PGBD2: variants seen among roughly 807,000 people sequenced by gnomAD.
PGBD2 encodes piggyBac transposable element-derived protein 2.
A neutral mutation model predicts 8.1 loss-of-function variants in PGBD2; 6 were observed. The observed-to-expected ratio is 0.74, with a 90% confidence interval of 0.40 to 1.46. PGBD2 has a LOEUF of 1.46. PGBD2 is among the 40% of genes most tolerant of loss of function. The probability of loss-of-function intolerance (pLI) is 0.02; values close to 1 mark genes in which losing one functional copy is unlikely to be tolerated. For synonymous variants in PGBD2, 318 were observed against 272.2 expected (o/e 1.17, Z -1.66); for missense variants, 802 against 739.0 (o/e 1.09, Z -0.99).
chr1:248,911,612 C>T lies in PGBD2; in HGVS notation c.-47-2204C>T, dbSNP rs1295820180. 2.7e-4 allele frequency among the ~76,000 whole-genome samples: 40 copies of T among 146,118 alleles called. 1 individual carries two copies. The highest frequency in any genetic ancestry group is 4.7e-4 in the Non-Finnish European group (32 of 67,866). On this transcript the variant is annotated intron_variant, in intron 1 of 2. Transcript: ENST00000329291. ...CAAAGCCGCCATTGTCATCCTGGCC[C>T]GTTCTCAATGAGCTGTTGGGCACAC...
the PGBD2 span, among the ~76,000 whole-genome samples, chr1:248,926,761 T>G: frequency 6.6e-6 from 1 of 150,918 alleles, no homozygotes; most frequent in Non-Finnish European, 1.5e-5. Context: ...TACTGAACAC[T>G]GAAATGAACC....
At chr1:248,873,843 C>G in the PGBD2 span, among the ~76,000 whole-genome samples, 10 of 152,346 alleles carry the variant, frequency 6.6e-5, no homozygotes, top group African/African-American at 2.2e-4. Context: ...GAGAAGCGCT[C>G]TGCTTCCGAG....
At chr1:248,873,044 C>T in the PGBD2 span, among the ~76,000 whole-genome samples, 1 of 152,234 alleles carries the variant, frequency 6.6e-6, no homozygotes, top group Non-Finnish European at 1.5e-5. Context: ...ATCTCCTTCA[C>T]TAGCAAATCA....
Position 248,918,430 on chromosome 1 carries a change from C to T in PGBD2, c.*67C>T. The T allele has an allele frequency of 1.4e-6, 2 of 1,455,778 alleles. No individual in the cohort carries two copies. Among genetic ancestry groups the T allele is most frequent in the Non-Finnish European group, 1.8e-6 (2 of 1,086,386 alleles). The allele number at this position is 1,455,778 out of a possible 1,614,324, so 90.2% of individuals were successfully genotyped here. A position where few individuals can be genotyped will look rare whatever the true frequency, so the allele number is the denominator to read the frequency against. On this transcript the variant is annotated 3_prime_UTR_variant, in exon 3 of 3. Coordinates refer to ENST00000329291, the MANE Select transcript of PGBD2 (RefSeq NM_170725.3). ...CAGTTAAATACAGATGGCAGTTGAGCACTTCTGTTTTGTGTTGGAAAAAAG... is the reference window on the plus strand; with the variant it reads ...CAGTTAAATACAGATGGCAGTTGAGTACTTCTGTTTTGTGTTGGAAAAAAG...
intron 1 of PGBD2, among the ~76,000 whole-genome samples, chr1:248,909,837 G>T (rs1249059284): frequency 6.6e-6 from 1 of 152,200 alleles, no homozygotes; most frequent in Non-Finnish European, 1.5e-5. Context: ...CAAGAAACTG[G>T]ACCAGCCCTC....
At position 248,916,902 on chromosome 1, in the gene PGBD2, G is replaced by T. The variant is rs1335427653; in HGVS notation, c.318G>T (p.Val106=). ...QPAKKRQKAV[V]KPQRIWTKRD... is the part of the protein sequence containing the mutation. ...CCAAGAAGAGGCAGAAAGCAGTTGTGAAACCTCAGCGCATTTGGACCAAAA... is the reference window on the plus strand; with the variant it reads ...CCAAGAAGAGGCAGAAAGCAGTTGTTAAACCTCAGCGCATTTGGACCAAAA... The change falls in exon 3 of 3, where the codon GTG becomes GTT. Residue 106 remains valine (V), a synonymous_variant. Transcript: ENST00000329291. 6.2e-7 allele frequency: 1 copy of T among 1,613,992 alleles called. No individual in the cohort carries two copies. Among genetic ancestry groups the T allele is most frequent in the African/African-American group, 1.3e-5 (1 of 74,880 alleles).
chr1:248,873,020 T>A, the PGBD2 span, among the ~76,000 whole-genome samples: 27 of 152,376 alleles, frequency 1.8e-4, no homozygotes, highest in East Asian at 4.6e-3. Context: ...TCTGTACATG[T>A]GATTGTGCTG....
At chr1:248,919,290 T>G (rs559424540), downstream of PGBD2, 2 of 167,096 alleles carry the variant, frequency 1.2e-5, no homozygotes, top group Admixed American at 1.3e-4. Flanking sequence ...TGTCCATGAG[T>G]TCAATTGTTT....
At chr1:248,916,536 T>C (rs1662103592) in intron 2 of PGBD2, 66 bp from the exon 3 acceptor site, 1 of 1,426,714 alleles carries the variant, frequency 7.0e-7, no homozygotes, top group Admixed American at 1.8e-5. Context: ...AGCACCCTCC[T>C]CTTTTCTGCT....
the PGBD2 span, among the ~76,000 whole-genome samples, chr1:248,877,466 T>C: frequency 6.6e-6 from 1 of 152,108 alleles, no homozygotes; most frequent in Non-Finnish European, 1.5e-5. Flanking sequence ...ATTTAATATG[T>C]ATACACAGGT....
At chr1:248,928,619 C>T in the PGBD2 span, among the ~76,000 whole-genome samples, 1 of 152,146 alleles carries the variant, frequency 6.6e-6, no homozygotes, top group African/African-American at 2.4e-5. Flanking sequence ...CTAATCTGTT[C>T]TCTTTCCACT....
chr1:248,902,553 T>C (rs1409169685), upstream of PGBD2, among the ~76,000 whole-genome samples: 1 of 152,214 alleles, frequency 6.6e-6, no homozygotes, highest in East Asian at 1.9e-4. Context: ...ATGCATATGT[T>C]CATTGCAGCA....
chr1:248,924,555 G>C (rs542067528), downstream of PGBD2, among the ~76,000 whole-genome samples: 34 of 152,198 alleles, frequency 2.2e-4, no homozygotes, highest in Admixed American at 2.2e-3. Context: ...CATATCAAAA[G>C]AAGTTCTCTT....
At position 248,916,976 on chromosome 1, in the gene PGBD2, T is replaced by C. The variant is rs199727771; in HGVS notation, c.392T>C (p.Ile131Thr). The change falls in exon 3 of 3, where the codon ATT (isoleucine) becomes ACT (threonine). Residue 131 changes from isoleucine to threonine, a missense_variant. Transcript: ENST00000329291. The stretch of plus-strand genomic sequence containing the variant: ...AGTTGGACTGCATCAGATCCTCATA[T>C]TGAGGATCTGAAAAGCCAAGAGCTG... Reference protein sequence around the residue: ...FGSWTASDPHIEDLKSQELSP... With the variant: ...FGSWTASDPHTEDLKSQELSP... The C allele has an allele frequency of 1.3e-4, 204 of 1,612,748 alleles. No homozygotes were observed. The highest frequency in any genetic ancestry group is 1.6e-4 in the Non-Finnish European group (193 of 1,179,622).
chr1:248,917,435 T>C lies in PGBD2; in HGVS notation c.851T>C (p.Leu284Pro). 6.2e-7 allele frequency: 1 copy of C among 1,614,142 alleles called. No homozygotes were observed. The highest frequency in any genetic ancestry group is 8.5e-7 in the Non-Finnish European group (1 of 1,180,024). The change falls in exon 3 of 3, where the codon CTG becomes CCG. Residue 284 changes from leucine to proline, a missense_variant. Coordinates refer to ENST00000329291, the MANE Select transcript of PGBD2 (RefSeq NM_170725.3). ...EYFGHRGSKQ[L>P]HRGKPVRLGY... ...TTTGGGCACCGGGGGTCCAAGCAGC[T>C]GCACAGGGGGAAGCCTGTGCGACTT...
chr1:248,907,509 T>C (rs1484047945), intron 1 of PGBD2, among the ~76,000 whole-genome samples: 1 of 152,148 alleles, frequency 6.6e-6, no homozygotes, highest in African/African-American at 2.4e-5. Context: ...GTAAGGTCTT[T>C]CTCTTCCCAC....
At chr1:248,882,695 A>G in the PGBD2 span, among the ~76,000 whole-genome samples, 1 of 152,286 alleles carries the variant, frequency 6.6e-6, no homozygotes, top group South Asian at 2.1e-4. Flanking sequence ...TCCCAGAGCT[A>G]TGAACATCTG....
the PGBD2 span, among the ~76,000 whole-genome samples, chr1:248,873,850 C>G: frequency 6.6e-6 from 1 of 152,166 alleles, no homozygotes; most frequent in Non-Finnish European, 1.5e-5. Flanking sequence ...GCTCTGCTTC[C>G]GAGTGTCAGG....
At chr1:248,909,608 G>A (rs1661790042) in intron 1 of PGBD2, among the ~76,000 whole-genome samples, 1 of 152,122 alleles carries the variant, frequency 6.6e-6, no homozygotes, top group South Asian at 2.1e-4. Context: ...TGCCTTTTGG[G>A]GATACAGAGG....
Sources: gnomAD v4.1 joint callset for allele counts (sites outside exome capture counted in the v4.1 genomes callset) on GRCh38, gnomAD v4.1.1 for gene constraint, MANE v1.5 for transcripts, NCBI Gene and HGNC (gene_info 2026-07-23, HGNC 2026-07-21) for gene names.